TMCC2: variants seen among roughly 807,000 people sequenced by gnomAD.
TMCC2 encodes transmembrane and coiled-coil domain family 2.
Under a neutral mutation model 49.4 loss-of-function variants are expected in TMCC2, and 16 were observed. The ratio of observed to expected loss-of-function variants is 0.32; its 90% confidence interval spans 0.22 to 0.49. The LOEUF is 0.49. Ranked by LOEUF, TMCC2 falls within the 20% of genes least tolerant of loss-of-function variation. The pLI is 0.99. For missense variants in TMCC2, 762 were observed against 989.8 expected, an observed-to-expected ratio of 0.77 and a Z score of 3.09; for synonymous variants, 397 against 434.1, an observed-to-expected ratio of 0.91 and a Z score of 1.06.
At chr1:205,258,158 A>G (rs1660954502) in intron 2 of TMCC2, among the ~76,000 whole-genome samples, 1 of 152,126 alleles carries the variant, frequency 6.6e-6, no homozygotes, top group Admixed American at 6.5e-5. Flanking sequence ...TCAGCTGATA[A>G]TAGGCAGCTG....
chr1:205,266,609 A>AT (rs1408865141), intron 2 of TMCC2, among the ~76,000 whole-genome samples: 5 of 150,800 alleles, frequency 3.3e-5, no homozygotes, highest in South Asian at 2.1e-4. Context: ...CAAAAAACAA[A>AT]TAAAAAAAAA....
At chr1:205,229,886 GAA>G (rs1659723240) in intron 1 of TMCC2, 6 of 985,394 alleles carry the variant, frequency 6.1e-6, no homozygotes, top group Middle Eastern at 5.2e-4. Context: ...ACCTTTGCCG[GAA>G]CTGCCACAGG....
chr1:205,230,008 C>G, intron 1 of TMCC2: 1 of 985,432 alleles, frequency 1.0e-6, no homozygotes, highest in Non-Finnish European at 1.2e-6. Context: ...GTTATTTTCT[C>G]CAGAGAAGGT....
In TMCC2 at chr1:205,269,343, C is replaced by T; in HGVS notation, c.1141C>T (p.Gln381Ter). The change falls in exon 3 of 5, where the codon CAG becomes TAG. Residue 381 changes from glutamine to a stop codon, truncating the protein, a stop_gained. Transcript: ENST00000358024. LOFTEE classifies it high-confidence loss of function. ...RQPKDVLRDM[Q>*]QGLKDVGANV... is the part of the protein sequence containing the mutation. ...GCCCAAGGACGTGCTGCGGGACATG[C>T]AGCAGGGGCTGAAGGACGTGGGCGC... 1 of 1,613,028 alleles carries T rather than the reference C, an allele frequency of 6.2e-7. No homozygotes were observed. Among genetic ancestry groups the T allele is most frequent in the Non-Finnish European group, 8.5e-7 (1 of 1,179,750 alleles).
chr1:205,250,149 C>T (rs1277860657), intron 2 of TMCC2, among the ~76,000 whole-genome samples: 5 of 152,214 alleles, frequency 3.3e-5, no homozygotes, highest in Non-Finnish European at 5.9e-5. Flanking sequence ...GCAGCGTCCT[C>T]TTGACTTTTC....
At chr1:205,268,384 C>A (rs1052431513) in intron 2 of TMCC2, among the ~76,000 whole-genome samples, 10 of 152,190 alleles carry the variant, frequency 6.6e-5, no homozygotes, top group Non-Finnish European at 1.3e-4. Context: ...GAGGCCAAGG[C>A]AGGCAGATCA....
At chr1:205,245,432 A>C (rs1199874253) in intron 2 of TMCC2, among the ~76,000 whole-genome samples, 1 of 152,214 alleles carries the variant, frequency 6.6e-6, no homozygotes, top group Non-Finnish European at 1.5e-5. Flanking sequence ...AAGACCAAAC[A>C]GTTCTACATT....
intron 1 of TMCC2, among the ~76,000 whole-genome samples, chr1:205,232,726 G>A (rs1659848782): frequency 6.6e-6 from 1 of 151,982 alleles, no homozygotes; most frequent in Non-Finnish European, 1.5e-5. Flanking sequence ...CTTGAGGCCA[G>A]GAGTTTGAGA....
At chr1:205,270,202 A>G (rs779660084) in intron 3 of TMCC2, among the ~76,000 whole-genome samples, 16 of 151,918 alleles carry the variant, frequency 1.1e-4, no homozygotes, top group Non-Finnish European at 1.6e-4. Context: ...ACGCACCACT[A>G]CACCCCGCTA....
Position 205,272,112 on chromosome 1 carries a change from G to A in TMCC2, c.2118G>A (p.Leu706=). The part of the protein sequence containing the change: ...DSLTYLLEHV[L]LPS ...TCACCTACCTCCTGGAGCACGTGTT[G>A]CTGCCCAGCTGAGTGGCCAGCCACA... The change falls in exon 5 of 5, where the codon TTG becomes TTA. Residue 706 remains leucine (L), a synonymous_variant. Coordinates refer to ENST00000358024, the MANE Select transcript of TMCC2 (RefSeq NM_014858.4). The A allele has an allele frequency of 6.2e-7, 1 of 1,611,402 alleles. No individual in the cohort carries two copies. Among genetic ancestry groups the A allele is most frequent in the Non-Finnish European group, 8.5e-7 (1 of 1,177,790 alleles).
At chr1:205,267,273 T>G (rs1185825997) in intron 2 of TMCC2, among the ~76,000 whole-genome samples, 3 of 152,186 alleles carry the variant, frequency 2.0e-5, no homozygotes. Context: ...GGCAGGGCTA[T>G]TATTTTCAAT....
intron 1 of TMCC2, among the ~76,000 whole-genome samples, chr1:205,234,721 G>A (rs61823974): frequency 8.6e-5 from 13 of 151,622 alleles, no homozygotes; most frequent in Non-Finnish European, 1.6e-4. Flanking sequence ...GTGCAGTGGC[G>A]CAATCTTGGC....
rs147757125 is a variant in TMCC2 at position 205,269,627 on chromosome 1, C to T, written c.1425C>T (p.Ser475=). 4.6e-5 allele frequency: 74 copies of T among 1,613,522 alleles called. No homozygotes were observed. In the African/African-American group the frequency reaches 6.9e-4, roughly 15 times the overall value. ...TCGTCTCCAGCCCCAAGTATGGCAG[C>T]GATGATGAGTGCTCCAGCGCCAGCG... The part of the protein sequence containing the change: ...ATLVSSPKYG[S]DDECSSASAS... The change falls in exon 3 of 5, where the codon AGC becomes AGT. Residue 475 remains serine (S), a synonymous_variant. Coordinates refer to ENST00000358024, the MANE Select transcript of TMCC2 (RefSeq NM_014858.4).
chr1:205,256,182 G>A (rs750755833), intron 2 of TMCC2: 13 of 1,445,878 alleles, frequency 9.0e-6, no homozygotes, highest in Non-Finnish European at 1.2e-5. Flanking sequence ...ATTTAAGCCT[G>A]GAGTTCCTCA....
chr1:205,235,564 A>G (rs1660006633), intron 1 of TMCC2, among the ~76,000 whole-genome samples: 1 of 152,144 alleles, frequency 6.6e-6, no homozygotes, highest in African/African-American at 2.4e-5. Flanking sequence ...TTAAAGGCCA[A>G]CTCAGAACTC....
chr1:205,251,085 T>G (rs1440349516), intron 2 of TMCC2, among the ~76,000 whole-genome samples: 2 of 152,204 alleles, frequency 1.3e-5, no homozygotes, highest in African/African-American at 4.8e-5. Flanking sequence ...CTTCTTTTCA[T>G]AGGCATATTT....
intron 1 of TMCC2, among the ~76,000 whole-genome samples, chr1:205,230,409 G>C (rs1387905079): frequency 2.6e-4 from 39 of 152,298 alleles, no homozygotes; most frequent in Admixed American, 2.5e-3. Flanking sequence ...CCAGGCCCAG[G>C]GAGTCCTTGG....
At chr1:205,236,447 T>C (rs573419947) in intron 1 of TMCC2, 18 of 152,326 alleles carry the variant, frequency 1.2e-4, no homozygotes, top group African/African-American at 4.1e-4. Context: ...CTTTGTAAGA[T>C]GGATTTGTAG....
intron 2 of TMCC2, among the ~76,000 whole-genome samples, chr1:205,249,358 T>C (rs916435704): frequency 6.6e-6 from 1 of 152,184 alleles, no homozygotes; most frequent in Non-Finnish European, 1.5e-5. Flanking sequence ...GGATGGTGAG[T>C]GAGGGGCCCC....
Sources: gnomAD v4.1 joint callset for allele counts (sites outside exome capture counted in the v4.1 genomes callset) on GRCh38, gnomAD v4.1.1 for gene constraint, MANE v1.5 for transcripts, NCBI Gene and HGNC (gene_info 2026-07-23, HGNC 2026-07-21) for gene names.